The following RORA variants were observed in gnomAD, a reference collection of about 807,000 sequenced individuals.
RORA encodes RAR related orphan receptor A.
A neutral mutation model predicts 69.5 loss-of-function variants in RORA; 7 were observed. The observed-to-expected ratio is 0.10, with a 90% CI of 0.06 to 0.19. RORA has a LOEUF of 0.19. RORA is among the 10% of genes least tolerant of loss of function. RORA has a pLI of 1.00. For synonymous variants in RORA, 261 were observed against 240.8 expected, an observed-to-expected ratio of 1.08 and a Z score of -0.78; for missense variants, 457 against 663.0, an observed-to-expected ratio of 0.69 and a Z score of 3.41.
chr15:60,607,293 G>A (rs1239384789), intron 2 of RORA, among the ~76,000 whole-genome samples: 5 of 152,038 alleles, frequency 3.3e-5, no homozygotes, highest in Non-Finnish European at 5.9e-5. Context: ...CACTAAGGAC[G>A]TATTAACCCA....
At chr15:60,841,018 C>T (rs762708468) in intron 1 of RORA, 88 of 872,882 alleles carry the variant, frequency 1.0e-4, no homozygotes, top group African/African-American at 4.7e-4. Context: ...CGATACCTTA[C>T]GGAAGCCAGA....
chr15:61,228,877 G>A (rs1451350154), intron 1 of RORA, among the ~76,000 whole-genome samples, 176 bp downstream of exon 1: 1 of 150,728 alleles, frequency 6.6e-6, no homozygotes, highest in Non-Finnish European at 1.5e-5. Context: ...GCAAAAGTTT[G>A]CAACATTTCT....
intron 1 of RORA, among the ~76,000 whole-genome samples, chr15:60,990,625 G>A (rs567185880): frequency 5.3e-5 from 8 of 151,992 alleles, no homozygotes; most frequent in African/African-American, 1.2e-4. Flanking sequence ...ATGAGGCAAC[G>A]GAAAATTTAA....
intron 1 of RORA, among the ~76,000 whole-genome samples, chr15:61,024,584 G>A (rs1895706001): frequency 1.3e-5 from 2 of 151,726 alleles, no homozygotes; most frequent in African/African-American, 2.4e-5. Context: ...CCGAGTAGCT[G>A]GGACCACAGG....
chr15:61,113,067 C>A (rs1340094861), intron 1 of RORA, among the ~76,000 whole-genome samples: 1 of 152,204 alleles, frequency 6.6e-6, no homozygotes, highest in Non-Finnish European at 1.5e-5. Flanking sequence ...TGCTGCAGAC[C>A]TTCTTCACAA....
At chr15:60,718,891 C>A (rs2071254105) in intron 1 of RORA, among the ~76,000 whole-genome samples, 1 of 152,198 alleles carries the variant, frequency 6.6e-6, no homozygotes, top group Admixed American at 6.5e-5. Context: ...CCACAATTGA[C>A]ACAGAGCTCT....
At chr15:60,516,150 T>A (rs28613129) in intron 3 of RORA, among the ~76,000 whole-genome samples, 19,808 of 23,458 alleles carry the variant, frequency 0.84, 8,375 homozygotes, top group South Asian at 0.93. Context: ...TATATATTTA[T>A]ATATATATAT....
At chr15:61,030,951 T>C (rs1349886234) in intron 1 of RORA, among the ~76,000 whole-genome samples, 1 of 152,202 alleles carries the variant, frequency 6.6e-6, no homozygotes, top group Non-Finnish European at 1.5e-5. Context: ...AAAATATGCA[T>C]ATGCACACAT....
chr15:61,179,329 T>C (rs769505636), intron 1 of RORA, among the ~76,000 whole-genome samples: 7 of 152,210 alleles, frequency 4.6e-5, no homozygotes, highest in African/African-American at 1.4e-4. Context: ...ACACACTGAA[T>C]GCAGAAGCAG....
intron 1 of RORA, among the ~76,000 whole-genome samples, chr15:61,204,190 G>T (rs1024643077): frequency 6.6e-6 from 1 of 152,160 alleles, no homozygotes; most frequent in Non-Finnish European, 1.5e-5. Flanking sequence ...TTGGAAGAGG[G>T]AGATCCAAGC....
chr15:60,818,344 G>A (rs570487442), intron 1 of RORA, among the ~76,000 whole-genome samples: 3 of 152,170 alleles, frequency 2.0e-5, no homozygotes, highest in African/African-American at 7.2e-5. Flanking sequence ...AAGTGAAGAG[G>A]GAAGGAGAAA....
intron 1 of RORA, among the ~76,000 whole-genome samples, chr15:61,182,391 C>A (rs527811157): frequency 6.6e-6 from 1 of 152,188 alleles, no homozygotes; most frequent in African/African-American, 2.4e-5. Context: ...CAGAAATGTG[C>A]GTTTGGAAAA....
chr15:60,751,540 C>A (rs1033605998), intron 1 of RORA, among the ~76,000 whole-genome samples: 1 of 152,164 alleles, frequency 6.6e-6, no homozygotes, highest in Admixed American at 6.5e-5. Flanking sequence ...TCCCACTTTA[C>A]AAATGATGTT....
rs186870453 is a variant in RORA, at chr15:60,715,141, C to T, written c.167-36455G>A. 1.6e-3 allele frequency among the ~76,000 whole-genome samples: 236 copies of T among 152,248 alleles called. 1 individual carries two copies. The highest frequency in any genetic ancestry group is 2.6e-3 in the Non-Finnish European group (177 of 68,016). ...ATGAGTTTTAATAACTACACAAACA[C>T]CCGATTTATTCTCAAGCAGCCTGTG... On this transcript the variant is annotated intron_variant, in intron 1 of 10. Coordinates refer to ENST00000335670, the MANE Select transcript of RORA (RefSeq NM_134261.3).
At chr15:60,939,605 G>A (rs777182962) in intron 1 of RORA, among the ~76,000 whole-genome samples, 1 of 152,174 alleles carries the variant, frequency 6.6e-6, no homozygotes, top group Admixed American at 6.5e-5. Flanking sequence ...AGCACAGGGC[G>A]GCCGTGTCGG....
intron 1 of RORA, among the ~76,000 whole-genome samples, chr15:60,890,792 T>G (rs1357733773): frequency 6.6e-6 from 1 of 152,228 alleles, no homozygotes; most frequent in Non-Finnish European, 1.5e-5. Context: ...TCTTGAGACT[T>G]TAAGTTCAAG....
chr15:60,628,754 A>G (rs1451072568), intron 2 of RORA, among the ~76,000 whole-genome samples: 2 of 152,224 alleles, frequency 1.3e-5, no homozygotes, highest in African/African-American at 4.8e-5. Flanking sequence ...AAGGAACTCA[A>G]GTCCCGTAAA....
At chr15:60,719,661 G>T (rs1484417366) in intron 1 of RORA, among the ~76,000 whole-genome samples, 1 of 152,180 alleles carries the variant, frequency 6.6e-6, no homozygotes, top group East Asian at 1.9e-4. Context: ...TCATGGCACT[G>T]CAAAAAGCTA....
intron 1 of RORA, among the ~76,000 whole-genome samples, chr15:60,854,694 T>C (rs1026434234): frequency 1.3e-5 from 2 of 152,212 alleles, no homozygotes; most frequent in African/African-American, 4.8e-5. Flanking sequence ...TGATTATCCC[T>C]AAAAGTCACT....
Sources: gnomAD v4.1 joint callset for allele counts (sites outside exome capture counted in the v4.1 genomes callset) on GRCh38, gnomAD v4.1.1 for gene constraint, MANE v1.5 for transcripts, NCBI Gene and HGNC (gene_info 2026-07-23, HGNC 2026-07-21) for gene names.